The following JAKMIP1 variants were observed in gnomAD, a reference collection of about 807,000 sequenced individuals.
The protein encoded by JAKMIP1 is janus kinase and microtubule-interacting protein 1.
JAKMIP1 carries 33 observed loss-of-function variants against 113.0 expected under a neutral mutation model. The observed-to-expected ratio is 0.29, with a 90% CI of 0.22 to 0.39. JAKMIP1 has a LOEUF of 0.39. Among genes scored for constraint, JAKMIP1 ranks in the 10% least tolerant of loss-of-function variants. The pLI is 1.00. For missense variants in JAKMIP1, 813 were observed against 1,080.5 expected (o/e 0.75, Z 3.47); for synonymous variants, 480 against 459.9 (o/e 1.04, Z -0.56).
At chr4:6,161,822 T>G (rs549162477) in intron 1 of JAKMIP1, among the ~76,000 whole-genome samples, 1 of 152,226 alleles carries the variant, frequency 6.6e-6, no homozygotes, top group East Asian at 1.9e-4. Context: ...CCCAGGAGGT[T>G]GTCACTGTGT....
In JAKMIP1 at chr4:6,059,042, G is replaced by T. The variant is rs1716879813; in HGVS notation, c.1644+1382C>A. On this transcript the variant is annotated intron_variant, in intron 11 of 20. Coordinates refer to ENST00000409021, the MANE Select transcript of JAKMIP1 (RefSeq NM_001099433.2). The surrounding 1 kb of genome is among the most constrained non-coding windows in gnomAD (Gnocchi z 4.8). ...AGATGAGGAAACGGAGGCACAAAGA[G>T]ATTATGTTACTTGCCCAAGGTTATG... Among the ~76,000 whole-genome samples the T allele has an allele frequency of 6.6e-6, 1 of 152,246 alleles. No individual in the cohort carries two copies. The highest frequency in any genetic ancestry group is 1.5e-5 in the Non-Finnish European group (1 of 68,044).
chr4:6,170,000 C>CT (rs1560314263), intron 1 of JAKMIP1, among the ~76,000 whole-genome samples: 10 of 143,866 alleles, frequency 7.0e-5, no homozygotes, highest in African/African-American at 8.1e-5. Flanking sequence ...ACCACCACCA[C>CT]CACCACCACC....
At chr4:6,114,277 C>T (rs1338638044) in intron 1 of JAKMIP1, among the ~76,000 whole-genome samples, 2 of 152,108 alleles carry the variant, frequency 1.3e-5, no homozygotes, top group African/African-American at 4.8e-5. Flanking sequence ...GAGAAAGCAC[C>T]AGGGAGGCTA....
rs907608228 is a variant in JAKMIP1 at position 6,069,997 on chromosome 4, G to A, written c.1303-4989C>T. On this transcript the variant is annotated intron_variant, in intron 8 of 20. Transcript: ENST00000409021. The surrounding 1 kb of genome is among the most constrained non-coding windows in gnomAD (Gnocchi z 4.5). ...CCTGTCACAGGCAGGAGCATCGGTC[G>A]GCCACAGCCAGGGACCGCCAGAGAA... 3.0e-5 allele frequency: 12 copies of A among 397,998 alleles called. No homozygotes were observed. In the East Asian group the frequency reaches 3.2e-4, roughly 11 times the overall value. The allele number at this position is 397,998 out of a possible 1,614,324, so 24.7% of individuals were successfully genotyped here.
rs549227246 is a variant in JAKMIP1 at position 6,185,336 on chromosome 4, C to T, written c.-148+14917G>A. On this transcript the variant is annotated intron_variant, in intron 1 of 20. Transcript: ENST00000409021. The surrounding 1 kb of genome is among the most constrained non-coding windows in gnomAD (Gnocchi z 5.3). ...AACTGGAGAGTGTATTGGAATTGCT[C>T]CGAGGGCTCATTAAAAGCCAGACCC... is the stretch of plus-strand genomic sequence containing the variant. Among the ~76,000 whole-genome samples the T allele has an allele frequency of 3.3e-5, 5 of 152,260 alleles. No individual in the cohort carries two copies. The highest frequency in any genetic ancestry group is 1.2e-4 in the African/African-American group (5 of 41,558).
rs571386557 is a variant in JAKMIP1 at position 6,185,276 on chromosome 4, C to T, written c.-148+14977G>A. Among the ~76,000 whole-genome samples the T allele has an allele frequency of 6.6e-6, 1 of 152,308 alleles. No homozygotes were observed. The highest frequency in any genetic ancestry group is 1.5e-5 in the Non-Finnish European group (1 of 68,024). On this transcript the variant is annotated intron_variant, in intron 1 of 20. Coordinates refer to ENST00000409021, the MANE Select transcript of JAKMIP1 (RefSeq NM_001099433.2). This position sits in a 1 kb window ranked among gnomAD's most constrained non-coding sequence, Gnocchi z 5.3. ...TCCCTCTCGAGAACCCTGACTAATA[C>T]AAGTGGGAACCAGCCCTGTCTGCCC...
At chr4:6,056,595 G>T in intron 12 of JAKMIP1, 102 bp downstream of exon 12, 1 of 823,986 alleles carries the variant, frequency 1.2e-6, no homozygotes, top group Non-Finnish European at 2.1e-6. Flanking sequence ...CTGGTCACTG[G>T]AGTGCCCAAA....
Position 6,108,217 on chromosome 4 carries a change from C to T in JAKMIP1, c.130-2250G>A, listed in dbSNP as rs1269701042. Among the ~76,000 whole-genome samples, 1 of 152,106 alleles carries T rather than the reference C, an allele frequency of 6.6e-6. No homozygotes were observed. The highest frequency in any genetic ancestry group is 2.4e-5 in the African/African-American group (1 of 41,428). On this transcript the variant is annotated intron_variant, in intron 2 of 20. Coordinates refer to ENST00000409021, the MANE Select transcript of JAKMIP1 (RefSeq NM_001099433.2). The surrounding 1 kb of genome is among the most constrained non-coding windows in gnomAD (Gnocchi z 5.6). ...TGAGAGCCAAGCCCAGGTGACATGA[C>T]CTATGCCACAGAAGCAGCAGAGTGA...
rs182058837 is a variant in JAKMIP1, at chr4:6,106,078, A to G, written c.130-111T>C. On this transcript the variant is annotated intron_variant, in intron 2 of 20. Coordinates refer to ENST00000409021, the MANE Select transcript of JAKMIP1 (RefSeq NM_001099433.2). The surrounding 1 kb of genome is among the most constrained non-coding windows in gnomAD (Gnocchi z 5.9). ...CAGCCTCCCCACGCCCAAGACACCCACCTGGGCCCACGTTCCCATGGATTC... is the reference window on the plus strand; with the variant it reads ...CAGCCTCCCCACGCCCAAGACACCCGCCTGGGCCCACGTTCCCATGGATTC... 2.8e-5 allele frequency: 19 copies of G among 690,110 alleles called. No individual in the cohort carries two copies. The highest frequency in any genetic ancestry group is 1.2e-4 in the Admixed American group (4 of 34,250). The allele number at this position is 690,110 out of a possible 1,614,324, so 42.7% of individuals were successfully genotyped here.
chr4:6,078,237 C>A (rs371952804), intron 8 of JAKMIP1, among the ~76,000 whole-genome samples: 3 of 151,770 alleles, frequency 2.0e-5, no homozygotes, highest in East Asian at 1.9e-4. Flanking sequence ...ATCATTTAAA[C>A]CTGGGTGGTG....
chr4:6,039,877 T>C (rs1714091541), intron 18 of JAKMIP1, among the ~76,000 whole-genome samples: 1 of 152,196 alleles, frequency 6.6e-6, no homozygotes, highest in Non-Finnish European at 1.5e-5. Flanking sequence ...TTTTTTTTAG[T>C]GATTGGCTCT....
intron 1 of JAKMIP1, among the ~76,000 whole-genome samples, chr4:6,125,923 GCAGA>G: frequency 1.1e-5 from 1 of 87,688 alleles, no homozygotes; most frequent in Non-Finnish European, 2.1e-5. Context: ...TACACACCAT[GCAGA>G]AACACACACA....
In JAKMIP1 at chr4:6,085,525, C is replaced by A; in HGVS notation, c.729G>T (p.Leu243Phe). Reference protein sequence around the residue: ...TQKLLLQKEALDEQLVQVKEA... With the variant: ...TQKLLLQKEAFDEQLVQVKEA... ...CCTTGACCTGAACCAGCTGCTCATCCAAAGCCTCTTTCTGCAGAAGCAGCT... is the reference window on the plus strand; with the variant it reads ...CCTTGACCTGAACCAGCTGCTCATCAAAAGCCTCTTTCTGCAGAAGCAGCT... The change falls in exon 4 of 21, where the codon TTG (leucine) becomes TTT (phenylalanine). Residue 243 changes from leucine to phenylalanine, a missense_variant. Leu to Phe is a conservative substitution (Grantham distance 22). Coordinates refer to ENST00000409021, the MANE Select transcript of JAKMIP1 (RefSeq NM_001099433.2). The A allele has an allele frequency of 6.2e-7, 1 of 1,614,212 alleles. No individual in the cohort carries two copies. Among genetic ancestry groups the A allele is most frequent in the Non-Finnish European group, 8.5e-7 (1 of 1,180,046 alleles).
chr4:6,080,183 C>A lies in JAKMIP1; in HGVS notation c.1231G>T (p.Asp411Tyr), dbSNP rs375128464. The A allele has an allele frequency of 6.2e-7, 1 of 1,608,712 alleles. No homozygotes were observed. The highest frequency in any genetic ancestry group is 1.3e-5 in the African/African-American group (1 of 74,868). Residue 411 changes from aspartate to tyrosine, a missense_variant, in exon 7 of 21, where the codon GAC becomes TAC. Around this residue, in one of 2 missense-constraint regions of JAKMIP1, gnomAD observed 540 missense variants for 653.9 expected, o/e 0.83. Coordinates refer to ENST00000409021, the MANE Select transcript of JAKMIP1 (RefSeq NM_001099433.2). This position sits in a 1 kb window ranked among gnomAD's most constrained non-coding sequence, Gnocchi z 6.0. ...TGTGCTAGATGTACCAGTGAGAGGT[C>A]GTCAATGACGTGCTGCTGCTCCAGC... ...QVLEQQHVID[D>Y]LSLERERLLR...
At position 6,185,998 on chromosome 4, in the gene JAKMIP1, T is replaced by C. The variant is rs1726616837; in HGVS notation, c.-148+14255A>G. On this transcript the variant is annotated intron_variant, in intron 1 of 20. Transcript: ENST00000409021. This position sits in a 1 kb window ranked among gnomAD's most constrained non-coding sequence, Gnocchi z 5.3. ...GGTCATTTCCAATTGTGCTGGACAA[T>C]AAGAGGGAGAAGAGGGGCACTCCAT... is the stretch of plus-strand genomic sequence containing the variant. 6.6e-6 allele frequency among the ~76,000 whole-genome samples: 1 copy of C among 151,800 alleles called. No individual in the cohort carries two copies. Among genetic ancestry groups the C allele is most frequent in the Admixed American group, 6.6e-5 (1 of 15,242 alleles).
rs1413874462 is a variant in JAKMIP1 at position 6,168,736 on chromosome 4, A to C, written c.-148+31517T>G. Among the ~76,000 whole-genome samples the C allele has an allele frequency of 6.6e-6, 1 of 151,832 alleles. No individual in the cohort carries two copies. Among genetic ancestry groups the C allele is most frequent in the African/African-American group, 2.4e-5 (1 of 41,316 alleles). ...CAAATCCATGTCTCTACAAAAAAAA[A>C]ACAAAACACAAAAATTAGCCAGGCC... is the stretch of plus-strand genomic sequence containing the variant. On this transcript the variant is annotated intron_variant, in intron 1 of 20. Transcript: ENST00000409021. This position sits in a 1 kb window ranked among gnomAD's most constrained non-coding sequence, Gnocchi z 4.6.
rs370265501 is a variant in JAKMIP1, at chr4:6,193,560, G to A, written c.-148+6693C>T. 6.6e-5 allele frequency among the ~76,000 whole-genome samples: 10 copies of A among 152,304 alleles called. No individual in the cohort carries two copies. Among genetic ancestry groups the A allele is most frequent in the South Asian group, 6.2e-4 (3 of 4,828 alleles). On this transcript the variant is annotated intron_variant, in intron 1 of 20. Transcript: ENST00000409021. The surrounding 1 kb of genome is among the most constrained non-coding windows in gnomAD (Gnocchi z 6.4). ...AAGAATCCAGCATGTTTCTGCAACC[G>A]AAAGAAAGGCAGCCAGGGCTCCCTG...
intron 1 of JAKMIP1, among the ~76,000 whole-genome samples, chr4:6,130,293 T>C (rs1718317521): frequency 6.6e-6 from 1 of 152,224 alleles, no homozygotes; most frequent in South Asian, 2.1e-4. Context: ...ATGACTCCCG[T>C]CTAAATAAGG....
At position 6,141,060 on chromosome 4, in the gene JAKMIP1, G is replaced by A. The variant is rs1720070038; in HGVS notation, c.-147-28063C>T. Among the ~76,000 whole-genome samples, 1 of 152,204 alleles carries A rather than the reference G, an allele frequency of 6.6e-6. No individual in the cohort carries two copies. The highest frequency in any genetic ancestry group is 2.1e-4 in the South Asian group (1 of 4,834). ...GCAGCCAGCATGGGCCCCCTGCCCA[G>A]CATTCACAGCGAAGAAGCCTCAGTC... On this transcript the variant is annotated intron_variant, in intron 1 of 20. Coordinates refer to ENST00000409021, the MANE Select transcript of JAKMIP1 (RefSeq NM_001099433.2). The surrounding 1 kb of genome is among the most constrained non-coding windows in gnomAD (Gnocchi z 9.4).
Sources: gnomAD v4.1 joint callset for allele counts (sites outside exome capture counted in the v4.1 genomes callset) on GRCh38, gnomAD v4.1.1 for gene constraint, gnomAD v4.1.1 regional missense constraint, Gnocchi (gnomAD v3.1) non-coding constraint, MANE v1.5 for transcripts, NCBI Gene and HGNC (gene_info 2026-07-23, HGNC 2026-07-21) for gene names.